ARFGAP3: variants seen among roughly 807,000 people sequenced by gnomAD.
The protein encoded by ARFGAP3 is ARF GTPase activating protein 3, also known as ADP-ribosylation factor GTPase-activating protein 3.
Under a neutral mutation model 75.0 loss-of-function variants are expected in ARFGAP3, and 72 were observed. The observed-to-expected ratio is 0.96, with a 90% CI of 0.79 to 1.17. The LOEUF (loss-of-function observed/expected upper bound fraction) is 1.17. ARFGAP3 is among the 50% of genes most tolerant of loss of function. The pLI is 0.00. For synonymous variants in ARFGAP3, 221 were observed against 217.9 expected, an observed-to-expected ratio of 1.01 and a Z score of -0.13; for missense variants, 620 against 626.6, an observed-to-expected ratio of 0.99 and a Z score of 0.11.
At chr22:42,810,745 G>A (rs1053351348) in intron 12 of ARFGAP3, 68 bp downstream of exon 12, 2 of 1,400,180 alleles carry the variant, frequency 1.4e-6, no homozygotes, top group Non-Finnish European at 2.0e-6. Flanking sequence ...ATGTCATCAT[G>A]TTATCAGCAA....
intron 9 of ARFGAP3, 26 bp downstream of exon 9, chr22:42,822,244 T>C (rs1925843373): frequency 1.3e-6 from 2 of 1,584,754 alleles, no homozygotes; most frequent in South Asian, 2.2e-5. Context: ...CCTGAAAATG[T>C]ATTAATATAA....
At chr22:42,820,842 T>A (rs980196191) in intron 9 of ARFGAP3, among the ~76,000 whole-genome samples, 1 of 152,150 alleles carries the variant, frequency 6.6e-6, no homozygotes, top group African/African-American at 2.4e-5. Context: ...CTTACAAAAG[T>A]CTACGGAAAA....
intron 1 of ARFGAP3, among the ~76,000 whole-genome samples, chr22:42,848,552 G>T (rs933210037): frequency 6.6e-6 from 1 of 152,198 alleles, no homozygotes; most frequent in Non-Finnish European, 1.5e-5. Context: ...ATAGTGAAGA[G>T]AATTTAGGTT....
chr22:42,816,712 A>G (rs1925593877), intron 11 of ARFGAP3, among the ~76,000 whole-genome samples: 1 of 152,170 alleles, frequency 6.6e-6, no homozygotes, highest in Non-Finnish European at 1.5e-5. Context: ...ACACACACCC[A>G]TAGAGTTTAT....
At chr22:42,850,871 G>C (rs1352554489) in intron 1 of ARFGAP3, among the ~76,000 whole-genome samples, 1 of 152,234 alleles carries the variant, frequency 6.6e-6, no homozygotes, top group African/African-American at 2.4e-5. Flanking sequence ...CAGGTGATGA[G>C]GTATGAAAAA....
chr22:42,842,361 T>A (rs1428917530), intron 2 of ARFGAP3, among the ~76,000 whole-genome samples: 5 of 148,032 alleles, frequency 3.4e-5, no homozygotes, highest in Admixed American at 6.9e-5. Context: ...TTGCCCAAGA[T>A]GGTCTAGAAC....
intron 14 of ARFGAP3, among the ~76,000 whole-genome samples, chr22:42,799,560 CTT>C (rs1428654286): frequency 6.6e-6 from 1 of 152,192 alleles, no homozygotes; most frequent in Non-Finnish European, 1.5e-5. Flanking sequence ...CCTCCTCCCT[CTT>C]TTGGTAACAG....
intron 1 of ARFGAP3, among the ~76,000 whole-genome samples, chr22:42,856,380 T>C (rs868064962): frequency 1.4e-4 from 21 of 152,218 alleles, no homozygotes; most frequent in Middle Eastern, 6.8e-3. Context: ...CGACAGCCCT[T>C]TGCACTCTCC....
chr22:42,807,480 C>T (rs917108415), intron 13 of ARFGAP3, among the ~76,000 whole-genome samples: 1 of 152,148 alleles, frequency 6.6e-6, no homozygotes, highest in African/African-American at 2.4e-5. Context: ...TCAGCAAAGG[C>T]CACTCTAAGA....
At chr22:42,817,307 C>A in intron 10 of ARFGAP3, 43 bp from the exon 11 acceptor site, 1 of 1,544,546 alleles carries the variant, frequency 6.5e-7, no homozygotes, top group South Asian at 1.3e-5. Context: ...AGTTCACAAA[C>A]TTTTGTTTCA....
rs1473974794 is a variant in ARFGAP3 at position 42,857,142 on chromosome 22, T to C, written c.41A>G (p.Lys14Arg). The change falls in exon 1 of 16, where the codon AAG becomes AGG. Residue 14 changes from lysine to arginine, a missense_variant. Transcript: ENST00000263245. ...GTTAGTGGGCACCGAGCGGAGGCGC[T>C]TGAAGATGGTCAAGATGTCCTGCTT... ...PSKQDILTIF[K>R]RLRSVPTNKV... 7.9e-6 allele frequency: 12 copies of C among 1,514,902 alleles called. No individual in the cohort carries two copies. The highest frequency in any genetic ancestry group is 1.4e-5 in the African/African-American group (1 of 69,472). 93.8% of individuals were successfully genotyped at this position (1,514,902 alleles called of 1,614,324 possible). A position where few individuals can be genotyped will look rare whatever the true frequency, so the allele number is the denominator to read the frequency against.
At chr22:42,833,917 C>G (rs1442361219) in intron 5 of ARFGAP3, among the ~76,000 whole-genome samples, 1 of 152,092 alleles carries the variant, frequency 6.6e-6, no homozygotes, top group African/African-American at 2.4e-5. Context: ...TTCAGTCCCC[C>G]CAAAAATAAA....
At chr22:42,826,687 A>G (rs1029782139) in intron 7 of ARFGAP3, among the ~76,000 whole-genome samples, 1 of 152,170 alleles carries the variant, frequency 6.6e-6, no homozygotes, top group Non-Finnish European at 1.5e-5. Flanking sequence ...GGTGTGAGCC[A>G]CTGCCCCCAG....
intron 9 of ARFGAP3, among the ~76,000 whole-genome samples, chr22:42,821,175 GA>G (rs1178224414): frequency 1.3e-5 from 2 of 152,152 alleles, no homozygotes; most frequent in Admixed American, 1.3e-4. Flanking sequence ...CATGTATTTA[GA>G]ATTTAGTCAC....
intron 1 of ARFGAP3, among the ~76,000 whole-genome samples, chr22:42,849,556 A>G (rs1302375956): frequency 1.1e-5 from 1 of 90,620 alleles, no homozygotes; most frequent in Non-Finnish European, 2.1e-5. Context: ...TCGCTGCTTT[A>G]TGGCTTTTTT....
chr22:42,824,973 C>T (rs527613072), intron 7 of ARFGAP3, among the ~76,000 whole-genome samples: 4 of 152,290 alleles, frequency 2.6e-5, no homozygotes, highest in African/African-American at 7.2e-5. Flanking sequence ...AGTTTGTTTA[C>T]GATAATGGCC....
At chr22:42,839,150 C>A (rs4822202) in intron 3 of ARFGAP3, among the ~76,000 whole-genome samples, 63,682 of 147,586 alleles carry the variant, frequency 0.43, 14,276 homozygotes, top group Non-Finnish European at 0.48. Flanking sequence ...AAAATCCTTA[C>A]TTAGGTTTGT....
At chr22:42,826,335 C>T (rs1056069025) in intron 7 of ARFGAP3, among the ~76,000 whole-genome samples, 5 of 151,046 alleles carry the variant, frequency 3.3e-5, no homozygotes, top group Admixed American at 1.3e-4. Flanking sequence ...CATAAACCCA[C>T]GAATCAAAAC....
chr22:42,840,811 GC>G, intron 3 of ARFGAP3, 132 bp downstream of exon 3: 2 of 889,672 alleles, frequency 2.2e-6, no homozygotes, highest in South Asian at 3.4e-5. Flanking sequence ...CCTCCCAAAC[GC>G]CTGTAATTTC....
Sources: gnomAD v4.1 joint callset for allele counts (sites outside exome capture counted in the v4.1 genomes callset) on GRCh38, gnomAD v4.1.1 for gene constraint, MANE v1.5 for transcripts, NCBI Gene and HGNC (gene_info 2026-07-23, HGNC 2026-07-21) for gene names.